The following PTPRF variants were observed in gnomAD, a reference collection of about 807,000 sequenced individuals.
PTPRF encodes the protein receptor-type tyrosine-protein phosphatase F.
A neutral mutation model predicts 201.8 loss-of-function variants in PTPRF; 59 were observed. That is an observed-to-expected ratio of 0.29 (90% confidence interval 0.24 to 0.36). The LOEUF (loss-of-function observed/expected upper bound fraction) is 0.36. Among genes scored for constraint, PTPRF ranks in the 10% least tolerant of loss-of-function variants. PTPRF has a pLI of 1.00. For missense variants in PTPRF, 2,132 were observed against 2,690.5 expected, an observed-to-expected ratio of 0.79 and a Z score of 4.59; for synonymous variants, 1,088 against 1,089.7, an observed-to-expected ratio of 1.00 and a Z score of 0.03.
intron 3 of PTPRF, among the ~76,000 whole-genome samples, chr1:43,552,203 C>T (rs79705791): frequency 5.6e-4 from 85 of 152,320 alleles, no homozygotes; most frequent in East Asian, 5.0e-3. Flanking sequence ...TCTCCCTCAT[C>T]GCCTCCCAGT....
Position 43,588,561 on chromosome 1 carries a change from G to A in PTPRF, c.680-170G>A, listed in dbSNP as rs57911933. Among the ~76,000 whole-genome samples, 5,285 of 152,294 alleles carry A rather than the reference G, an allele frequency of 0.035. 310 individuals are homozygous for A. Among genetic ancestry groups the A allele is most frequent in the African/African-American group, 0.12 (5,046 of 41,540 alleles). On this transcript the variant is annotated intron_variant, in intron 7 of 33. Transcript: ENST00000359947. This position sits in a 1 kb window ranked among gnomAD's most constrained non-coding sequence, Gnocchi z 5.3. Reference sequence around the variant, plus strand: ...TGGGGGCCACTTCTAGGCTGGAAGTGGGTGGGGTGGGAGTGGATGATGAGC... The same window carrying A: ...TGGGGGCCACTTCTAGGCTGGAAGTAGGTGGGGTGGGAGTGGATGATGAGC...
At chr1:43,545,702 C>T (rs899523739) in intron 3 of PTPRF, among the ~76,000 whole-genome samples, 1 of 152,150 alleles carries the variant, frequency 6.6e-6, no homozygotes, top group African/African-American at 2.4e-5. Context: ...TTCATGGGGA[C>T]CTTCTAGGCA....
At chr1:43,601,634 AG>A (rs2154023299) in intron 13 of PTPRF, among the ~76,000 whole-genome samples, 1 of 152,368 alleles carries the variant, frequency 6.6e-6, no homozygotes, top group Admixed American at 6.5e-5. Context: ...AGCACAGGCC[AG>A]GACTGTCCGA....
rs1341519894 is a variant in PTPRF at position 43,588,169 on chromosome 1, G to C, written c.680-562G>C. ...GAGCATGGCTGAGACCCTGGCAGGC[G>C]GCCCTGCTGCTTGCCTTATTTCTTC... On this transcript the variant is annotated intron_variant, in intron 7 of 33. Transcript: ENST00000359947. The surrounding 1 kb of genome is among the most constrained non-coding windows in gnomAD (Gnocchi z 5.3). 2.0e-5 allele frequency among the ~76,000 whole-genome samples: 3 copies of C among 152,124 alleles called. No individual in the cohort carries two copies. Among genetic ancestry groups the C allele is most frequent in the Non-Finnish European group, 4.4e-5 (3 of 68,030 alleles).
intron 7 of PTPRF, among the ~76,000 whole-genome samples, chr1:43,581,752 AC>A (rs1647707407): frequency 1.3e-5 from 2 of 152,128 alleles, no homozygotes; most frequent in East Asian, 3.9e-4. Context: ...TCTGGCCTGC[AC>A]CCCGTCCCAT....
chr1:43,553,712 T>C lies in PTPRF; in HGVS notation c.237+75T>C. ...TCTCTCCTTTCAGTGTCCCTCCTCA[T>C]GGACCTTTTGGAGGTGGGAGGACAA... On this transcript the variant is annotated intron_variant, in intron 4 of 33. Transcript: ENST00000359947. The surrounding 1 kb of genome is among the most constrained non-coding windows in gnomAD (Gnocchi z 4.1). The C allele has an allele frequency of 6.2e-7, 1 of 1,608,902 alleles. No homozygotes were observed. Among genetic ancestry groups the C allele is most frequent in the Non-Finnish European group, 8.5e-7 (1 of 1,176,720 alleles).
chr1:43,583,919 T>C (rs1004750601), intron 7 of PTPRF, among the ~76,000 whole-genome samples: 17 of 152,186 alleles, frequency 1.1e-4, no homozygotes, highest in Admixed American at 1.0e-3. Flanking sequence ...GCTTGATGCT[T>C]TGCATTCAGA....
chr1:43,599,449 A>G (rs976152095), intron 13 of PTPRF, among the ~76,000 whole-genome samples: 13 of 152,152 alleles, frequency 8.5e-5, no homozygotes, highest in African/African-American at 3.1e-4. Flanking sequence ...CAGAAAGGGT[A>G]GAGAGAGTGC....
chr1:43,583,716 T>C (rs1210859456), intron 7 of PTPRF, among the ~76,000 whole-genome samples: 1 of 151,974 alleles, frequency 6.6e-6, no homozygotes, highest in Non-Finnish European at 1.5e-5. Flanking sequence ...TTGGTGTCCA[T>C]GGCGCAGGGT....
At chr1:43,563,130 A>G (rs905625851) in intron 5 of PTPRF, among the ~76,000 whole-genome samples, 1 of 151,128 alleles carries the variant, frequency 6.6e-6, no homozygotes, top group African/African-American at 2.4e-5. Flanking sequence ...GTGATATGAG[A>G]TGGCGCCACT....
chr1:43,527,991 G>A (rs1643190573), upstream of PTPRF, among the ~76,000 whole-genome samples: 1 of 152,204 alleles, frequency 6.6e-6, no homozygotes, highest in South Asian at 2.1e-4. Context: ...TGAGGACCCT[G>A]TGCTGGCCAC....
chr1:43,544,986 G>GCAGTAAATA, intron 2 of PTPRF, 45 bp from the exon 3 acceptor site: 4 of 1,164,068 alleles, frequency 3.4e-6, no homozygotes, highest in South Asian at 1.5e-5. Context: ...ATTAGGGACA[G>GCAGTAAATA]CAGTAAATAC....
chr1:43,526,351 T>G (rs187404694), upstream of PTPRF, among the ~76,000 whole-genome samples: 3 of 152,182 alleles, frequency 2.0e-5, no homozygotes, highest in Admixed American at 2.0e-4. Context: ...TCCCAGCGCT[T>G]TGGGAGGCTG....
At chr1:43,534,238 A>G (rs1386898173) in intron 1 of PTPRF, among the ~76,000 whole-genome samples, 1 of 152,186 alleles carries the variant, frequency 6.6e-6, no homozygotes. Flanking sequence ...CCTGTTAAGT[A>G]CCTGTAATTT....
rs1344460847 is a variant in PTPRF, at chr1:43,619,956, C to G, written c.5111+98C>G. On this transcript the variant is annotated intron_variant, in intron 29 of 33. Transcript: ENST00000359947. Reference sequence around the variant, plus strand: ...AGCAGAGTAGGGCCAGCCTAGAAGACCAGAGAGGGCTGGGTAGAGCAGTGA... The same window carrying G: ...AGCAGAGTAGGGCCAGCCTAGAAGAGCAGAGAGGGCTGGGTAGAGCAGTGA... 13 of 1,560,126 alleles carry G rather than the reference C, an allele frequency of 8.3e-6. No individual in the cohort carries two copies. In the Admixed American group the frequency reaches 2.1e-4, roughly 25 times the overall value.
upstream of PTPRF, among the ~76,000 whole-genome samples, chr1:43,526,378 T>C (rs1454034302): frequency 5.9e-5 from 9 of 152,124 alleles, no homozygotes; most frequent in Admixed American, 5.9e-4. Context: ...GAGGATCTCC[T>C]GAGCCCAGGA....
chr1:43,596,468 A>G (rs1652292824), intron 11 of PTPRF, among the ~76,000 whole-genome samples: 1 of 151,740 alleles, frequency 6.6e-6, no homozygotes, highest in Non-Finnish European at 1.5e-5. Flanking sequence ...GTGGGCGTGG[A>G]GTCTGGACAC....
intron 5 of PTPRF, among the ~76,000 whole-genome samples, chr1:43,569,294 G>A (rs1385741513): frequency 2.1e-5 from 3 of 143,978 alleles, no homozygotes; most frequent in African/African-American, 8.0e-5. Context: ...ATTGATTCTC[G>A]TTCTTCTCAG....
Position 43,591,887 on chromosome 1 carries a change from C to G in PTPRF, c.1607C>G (p.Pro536Arg), listed in dbSNP as rs1339099962. ...ATCCAGCTCTCGTGGCTGCTGCCCC[C>G]TCAGGAGCGGATCATCATGTATGAA... is the stretch of plus-strand genomic sequence containing the variant. Reference protein sequence around the residue: ...TRIQLSWLLPPQERIIMYELV... With the variant: ...TRIQLSWLLPRQERIIMYELV... Residue 536 changes from proline (P) to arginine (R), a missense_variant, in exon 10 of 34, where the codon CCT (proline) becomes CGT (arginine). By Grantham distance (103) the Pro-to-Arg change is moderately radical. Around this residue, in one of 6 missense-constraint regions of PTPRF, gnomAD observed 351 missense variants for 401.7 expected, o/e 0.87. Transcript: ENST00000359947. The G allele has an allele frequency of 1.9e-6, 3 of 1,613,516 alleles. No individual in the cohort carries two copies. Among genetic ancestry groups the G allele is most frequent in the Non-Finnish European group, 2.5e-6 (3 of 1,180,026 alleles).
Sources: allele counts gnomAD v4.1 joint callset (sites outside exome capture counted in the v4.1 genomes callset), GRCh38; gene constraint gnomAD v4.1.1; regional missense constraint gnomAD v4.1.1; non-coding constraint Gnocchi (gnomAD v3.1); transcripts MANE v1.5; gene names NCBI Gene and HGNC (gene_info 2026-07-23, HGNC 2026-07-21).